Variants in KCNIP4 observed in about 807,000 individuals in gnomAD.
The protein encoded by KCNIP4 is Kv channel-interacting protein 4.
Under a neutral mutation model 34.0 loss-of-function variants are expected in KCNIP4, and 12 were observed. That is an observed-to-expected ratio of 0.35 (90% CI 0.23 to 0.57). The LOEUF (loss-of-function observed/expected upper bound fraction) is 0.57, where lower values mean the gene tolerates loss of function less well. Among genes scored for constraint, KCNIP4 ranks in the 20% least tolerant of loss-of-function variants. KCNIP4 has a pLI of 0.83. For missense variants in KCNIP4, 238 were observed against 311.7 expected, an observed-to-expected ratio of 0.76 and a Z score of 1.78; for synonymous variants, 124 against 102.2, an observed-to-expected ratio of 1.21 and a Z score of -1.29.
At chr4:21,030,628 G>A (rs1269814896) in intron 1 of KCNIP4, among the ~76,000 whole-genome samples, 1 of 152,052 alleles carries the variant, frequency 6.6e-6, no homozygotes, top group Non-Finnish European at 1.5e-5. Context: ...ATTGACTTCA[G>A]AAATGCTTTG....
chr4:21,522,783 T>C (rs901864096), intron 1 of KCNIP4, among the ~76,000 whole-genome samples: 2 of 152,112 alleles, frequency 1.3e-5, no homozygotes, highest in South Asian at 4.1e-4. Flanking sequence ...TCACAATATG[T>C]ATTTCATTAG....
intron 1 of KCNIP4, among the ~76,000 whole-genome samples, chr4:21,186,498 A>C (rs1755240530): frequency 6.6e-6 from 1 of 152,344 alleles, no homozygotes. Flanking sequence ...CACCTTTTCA[A>C]GCATCTCTAA....
intron 1 of KCNIP4, among the ~76,000 whole-genome samples, chr4:21,607,901 T>G (rs1486399583): frequency 1.3e-5 from 2 of 152,118 alleles, no homozygotes; most frequent in Non-Finnish European, 2.9e-5. Context: ...CACAATCATC[T>G]GCTTCACAAG....
chr4:21,738,995 T>G (rs963070339), intron 1 of KCNIP4, among the ~76,000 whole-genome samples: 1 of 152,126 alleles, frequency 6.6e-6, no homozygotes, highest in Non-Finnish European at 1.5e-5. Flanking sequence ...ATCACAGGCA[T>G]GTATTTCAGT....
intron 1 of KCNIP4, among the ~76,000 whole-genome samples, chr4:21,101,684 A>C (rs995649977): frequency 6.6e-6 from 1 of 152,300 alleles, no homozygotes; most frequent in South Asian, 2.1e-4. Context: ...TAAGAGCTAG[A>C]TAAATTATAC....
At chr4:21,409,634 T>A (rs1724311238) in intron 1 of KCNIP4, among the ~76,000 whole-genome samples, 1 of 152,246 alleles carries the variant, frequency 6.6e-6, no homozygotes, top group Admixed American at 6.5e-5. Context: ...TTATGAAATA[T>A]TTTAATCTAA....
intron 1 of KCNIP4, among the ~76,000 whole-genome samples, chr4:21,841,789 T>A (rs942586055): frequency 6.6e-6 from 1 of 152,076 alleles, no homozygotes; most frequent in Non-Finnish European, 1.5e-5. Context: ...AAAAAACAAG[T>A]AAGGATTAGT....
intron 1 of KCNIP4, among the ~76,000 whole-genome samples, chr4:21,875,540 T>C (rs1447033748): frequency 6.6e-6 from 1 of 152,188 alleles, no homozygotes; most frequent in African/African-American, 2.4e-5. Flanking sequence ...CCAGTAGAAG[T>C]GATTTTTTTG....
chr4:21,614,737 T>C (rs1744455869), intron 1 of KCNIP4, among the ~76,000 whole-genome samples: 1 of 151,894 alleles, frequency 6.6e-6, no homozygotes, highest in Non-Finnish European at 1.5e-5. Context: ...ATATATATCA[T>C]CTAAATCTCT....
intron 1 of KCNIP4, among the ~76,000 whole-genome samples, chr4:21,457,820 G>T (rs1252170202): frequency 2.6e-5 from 4 of 151,902 alleles, no homozygotes. Flanking sequence ...TGGTAAAAAA[G>T]AATACCTTCT....
intron 1 of KCNIP4, among the ~76,000 whole-genome samples, chr4:21,900,377 C>T (rs1021618660): frequency 1.3e-5 from 2 of 152,148 alleles, no homozygotes; most frequent in African/African-American, 2.4e-5. Context: ...AATAATAGAG[C>T]TTCTCCACTA....
At chr4:20,770,763 G>C (rs1277548674) in intron 3 of KCNIP4, among the ~76,000 whole-genome samples, 1 of 151,986 alleles carries the variant, frequency 6.6e-6, no homozygotes, top group Non-Finnish European at 1.5e-5. Context: ...GTGAAACCCC[G>C]TCTGTACTAA....
intron 1 of KCNIP4, among the ~76,000 whole-genome samples, chr4:21,216,418 G>A (rs926632260): frequency 6.6e-6 from 1 of 152,168 alleles, no homozygotes; most frequent in African/African-American, 2.4e-5. Flanking sequence ...TGCTGTGAAT[G>A]ACATGAGGCT....
intron 3 of KCNIP4, among the ~76,000 whole-genome samples, chr4:20,826,359 G>C (rs1717757456): frequency 6.6e-6 from 1 of 152,054 alleles, no homozygotes; most frequent in African/African-American, 2.4e-5. Flanking sequence ...AGGATTGCTT[G>C]AGCCTAGGAG....
intron 1 of KCNIP4, among the ~76,000 whole-genome samples, chr4:21,828,326 G>C (rs1722790265): frequency 6.6e-6 from 1 of 151,858 alleles, no homozygotes; most frequent in Non-Finnish European, 1.5e-5. Context: ...GATAAACAAA[G>C]ACAGAGGGAA....
intron 1 of KCNIP4, among the ~76,000 whole-genome samples, chr4:21,098,325 A>G (rs1014332158): frequency 6.6e-6 from 1 of 152,224 alleles, no homozygotes; most frequent in African/African-American, 2.4e-5. Flanking sequence ...AGGTAGACCA[A>G]ATGGTCTTTT....
At chr4:21,458,090 C>T (rs953901955) in intron 1 of KCNIP4, among the ~76,000 whole-genome samples, 24 of 150,926 alleles carry the variant, frequency 1.6e-4, no homozygotes, top group African/African-American at 5.1e-4. Context: ...TGCGCTGCAC[C>T]CACTAACTCG....
intron 1 of KCNIP4, among the ~76,000 whole-genome samples, chr4:21,250,771 T>C (rs1321624496): frequency 6.6e-6 from 1 of 151,950 alleles, no homozygotes; most frequent in East Asian, 1.9e-4. Flanking sequence ...TCTGACCCAG[T>C]AGGTACTTAA....
chr4:20,838,827 T>C (rs1719369238), intron 3 of KCNIP4, among the ~76,000 whole-genome samples: 1 of 152,218 alleles, frequency 6.6e-6, no homozygotes, highest in African/African-American at 2.4e-5. Context: ...TTGTTGCAGA[T>C]GAATCAATAC....
Sources: allele counts gnomAD v4.1 joint callset (sites outside exome capture counted in the v4.1 genomes callset), GRCh38; gene constraint gnomAD v4.1.1; transcripts MANE v1.5; gene names NCBI Gene and HGNC (gene_info 2026-07-23, HGNC 2026-07-21).